The following HTR4 variants were observed in gnomAD, a reference collection of about 807,000 sequenced individuals.
HTR4 encodes the protein 5-hydroxytryptamine (serotonin) receptor 4, G protein-coupled.
In HTR4, 16 loss-of-function variants were observed where a neutral mutation model predicts 36.8. The observed-to-expected ratio is 0.43, with a 90% CI of 0.29 to 0.66. The LOEUF (loss-of-function observed/expected upper bound fraction) is 0.66, where lower values mean the gene tolerates loss of function less well. Among genes scored for constraint, HTR4 ranks in the 30% least tolerant of loss-of-function variants. HTR4 has a pLI of 0.13. For synonymous variants in HTR4, 189 were observed against 185.1 expected (o/e 1.02, Z -0.17); for missense variants, 438 against 490.9 (o/e 0.89, Z 1.02).
chr5:148,507,762 A>G lies in HTR4; in HGVS notation c.1076+1694T>C, dbSNP rs1489037530. Among the ~76,000 whole-genome samples, 12 of 152,148 alleles carry G rather than the reference A, an allele frequency of 7.9e-5. No individual in the cohort carries two copies. The South Asian group carries it at 2.3e-3, about 29-fold the overall frequency. ...TGGAAACTCCCAAACTCTCTATGAA[A>G]AAAACCATCAACTGCTAAACAACTG... On this transcript the variant is annotated intron_variant, in intron 6 of 6. Transcript: ENST00000377888.
intron 2 of HTR4, among the ~76,000 whole-genome samples, chr5:148,560,651 G>A (rs1401207859): frequency 6.6e-6 from 1 of 152,094 alleles, no homozygotes; most frequent in Non-Finnish European, 1.5e-5. Flanking sequence ...TTTCATGTTG[G>A]CGAATTCAAT....
At chr5:148,559,845 C>G (rs1760116031) in intron 2 of HTR4, among the ~76,000 whole-genome samples, 1 of 152,132 alleles carries the variant, frequency 6.6e-6, no homozygotes, top group African/African-American at 2.4e-5. Flanking sequence ...AACCTCCAAT[C>G]AGAAGATAGC....
At chr5:148,519,783 G>A (rs1020434088) in intron 5 of HTR4, among the ~76,000 whole-genome samples, 5 of 152,018 alleles carry the variant, frequency 3.3e-5, no homozygotes, top group African/African-American at 1.2e-4. Flanking sequence ...TTTGCTATTT[G>A]CCGGCACATA....
chr5:148,549,126 C>CT (rs1759548587), intron 3 of HTR4, among the ~76,000 whole-genome samples: 1 of 152,178 alleles, frequency 6.6e-6, no homozygotes, highest in Non-Finnish European at 1.5e-5. Context: ...ACCAAAACCT[C>CT]TTTTTTCCTC....
intron 2 of HTR4, among the ~76,000 whole-genome samples, chr5:148,580,623 T>C (rs1409510973): frequency 1.3e-5 from 2 of 152,112 alleles, no homozygotes; most frequent in African/African-American, 4.8e-5. Context: ...ACATACAATA[T>C]TTGTCTTTCC....
chr5:148,503,731 C>CAGGAGACCCATCAGTGTGT (rs1561582204), intron 6 of HTR4, among the ~76,000 whole-genome samples: 3 of 151,836 alleles, frequency 2.0e-5, no homozygotes, highest in East Asian at 1.9e-4. Flanking sequence ...CATCAGTGTG[C>CAGGAGACCCATCAGTGTGT]GGTGTTCAGG....
rs781137239 is a variant in HTR4, at chr5:148,523,258, T to C, written c.442A>G (p.Ile148Val). The change falls in exon 5 of 7, where the codon ATC becomes GTC. Residue 148 changes from isoleucine to valine, a missense_variant. By Grantham distance (29) the Ile-to-Val change is conservative. Coordinates refer to ENST00000377888, the MANE Select transcript of HTR4 (RefSeq NM_000870.7). Reference sequence around the variant, plus strand: ...GGGAGAAAAGAAATAAACGTGGGGATGACCCAGCAGCCTCCCAGCATTAAT... The same window carrying C: ...GGGAGAAAAGAAATAAACGTGGGGACGACCCAGCAGCCTCCCAGCATTAAT... ...IALMLGGCWV[I>V]PTFISFLPIM... 1.2e-6 allele frequency: 2 copies of C among 1,613,630 alleles called. No homozygotes were observed. The highest frequency in any genetic ancestry group is 1.7e-6 in the Non-Finnish European group (2 of 1,179,750).
At chr5:148,586,941 T>A (rs1761369980) in intron 2 of HTR4, among the ~76,000 whole-genome samples, 1 of 152,112 alleles carries the variant, frequency 6.6e-6, no homozygotes, top group African/African-American at 2.4e-5. Flanking sequence ...CAGATTTTCT[T>A]TTTCTTTTAT....
chr5:148,560,118 T>G (rs1368257064), intron 2 of HTR4, among the ~76,000 whole-genome samples: 2 of 151,872 alleles, frequency 1.3e-5, no homozygotes, highest in Admixed American at 1.3e-4. Flanking sequence ...TTGGCTTATA[T>G]TACTTTGGGT....
At chr5:148,572,943 G>T (rs1444112463) in intron 2 of HTR4, among the ~76,000 whole-genome samples, 1 of 152,064 alleles carries the variant, frequency 6.6e-6, no homozygotes, top group Admixed American at 6.6e-5. Flanking sequence ...ATAATCCAGT[G>T]ATACTAAAAC....
chr5:148,476,044 A>G (rs1040630751), downstream of HTR4, among the ~76,000 whole-genome samples: 1 of 152,266 alleles, frequency 6.6e-6, no homozygotes, highest in Non-Finnish European at 1.5e-5. Flanking sequence ...AACTTTAGGC[A>G]GAAAGGTGCA....
intron 6 of HTR4, among the ~76,000 whole-genome samples, chr5:148,496,203 A>C (rs1453550024): frequency 6.6e-6 from 1 of 152,170 alleles, no homozygotes; most frequent in East Asian, 1.9e-4. Context: ...GATCCACAAA[A>C]GTCTAGGACC....
chr5:148,540,400 GTATATATATATATA>G (rs56021250), intron 4 of HTR4, among the ~76,000 whole-genome samples: 1,525 of 74,290 alleles, frequency 0.021, 54 homozygotes, highest in Admixed American at 0.03. Context: ...TTATGTGTGT[GTATATATATATATA>G]TATATATATA....
At chr5:148,605,998 C>T (rs1218616615) in intron 2 of HTR4, among the ~76,000 whole-genome samples, 1 of 152,180 alleles carries the variant, frequency 6.6e-6, no homozygotes, top group East Asian at 1.9e-4. Context: ...ATGGCCATTG[C>T]CCTCTGGGTC....
intron 1 of HTR4, chr5:148,644,992 A>G (rs1753839215): frequency 6.6e-6 from 1 of 152,106 alleles, no homozygotes; most frequent in African/African-American, 2.4e-5. Flanking sequence ...TTGTTTTTAC[A>G]GTTTTCTTCT....
At chr5:148,454,857 C>T (rs1007607978) in intron 5 of HTR4, among the ~76,000 whole-genome samples, 1 of 152,124 alleles carries the variant, frequency 6.6e-6, no homozygotes, top group African/African-American at 2.4e-5. Flanking sequence ...GGAACCCCTT[C>T]CCCATTGCTC....
intron 6 of HTR4, among the ~76,000 whole-genome samples, chr5:148,484,851 A>G (rs1756076684): frequency 6.6e-6 from 1 of 152,220 alleles, no homozygotes; most frequent in South Asian, 2.1e-4. Flanking sequence ...GCCATTTTAA[A>G]GTGTAAACTC....
At chr5:148,465,406 C>G (rs888116892) in intron 5 of HTR4, among the ~76,000 whole-genome samples, 2 of 152,102 alleles carry the variant, frequency 1.3e-5, no homozygotes, top group African/African-American at 4.8e-5. Flanking sequence ...AAAGTAGTCT[C>G]TTTAGAAAAC....
intron 5 of HTR4, among the ~76,000 whole-genome samples, chr5:148,518,663 C>G (rs1757872278): frequency 6.6e-6 from 1 of 152,174 alleles, no homozygotes; most frequent in Non-Finnish European, 1.5e-5. Flanking sequence ...CAGTCTGACT[C>G]CAGGCTACCT....
Sources: allele counts gnomAD v4.1 joint callset (sites outside exome capture counted in the v4.1 genomes callset), GRCh38; gene constraint gnomAD v4.1.1; transcripts MANE v1.5; gene names NCBI Gene and HGNC (gene_info 2026-07-23, HGNC 2026-07-21).